Variants in KCNIP4 observed in about 807,000 individuals in gnomAD.
KCNIP4 encodes potassium voltage-gated channel interacting protein 4.
In KCNIP4, 12 loss-of-function variants were observed where a neutral mutation model predicts 34.0. The observed-to-expected ratio is 0.35, with a 90% CI of 0.23 to 0.57. The LOEUF is 0.57. Ranked by LOEUF, KCNIP4 falls within the 20% of genes least tolerant of loss-of-function variation. The probability of loss-of-function intolerance (pLI) is 0.83; values close to 1 mark genes in which losing one functional copy is unlikely to be tolerated. For synonymous variants in KCNIP4, 124 were observed against 102.2 expected (o/e 1.21, Z -1.29); for missense variants, 238 against 311.7 (o/e 0.76, Z 1.78).
At chr4:21,071,816 C>T (rs1439572406) in intron 1 of KCNIP4, among the ~76,000 whole-genome samples, 6 of 152,050 alleles carry the variant, frequency 3.9e-5, no homozygotes, top group African/African-American at 7.2e-5. Context: ...CAACAGTCCC[C>T]GGTGTGTGAT....
chr4:21,327,325 T>C (rs1350456036), intron 1 of KCNIP4, among the ~76,000 whole-genome samples: 2 of 152,164 alleles, frequency 1.3e-5, no homozygotes, highest in East Asian at 3.9e-4. Context: ...CCAGATTTGC[T>C]ATTCTAGGAT....
At chr4:21,065,583 CATGACCAT>C (rs1476913715) in intron 1 of KCNIP4, among the ~76,000 whole-genome samples, 1 of 151,616 alleles carries the variant, frequency 6.6e-6, no homozygotes, top group Non-Finnish European at 1.5e-5. Flanking sequence ...GCACAAATAA[CATGACCAT>C]ATTATCTTTC....
At chr4:20,747,728 C>G (rs1158609084) in intron 5 of KCNIP4, among the ~76,000 whole-genome samples, 1 of 152,090 alleles carries the variant, frequency 6.6e-6, no homozygotes, top group Non-Finnish European at 1.5e-5. Flanking sequence ...ATTCCTGGCC[C>G]AGAATCTTCG....
intron 1 of KCNIP4, among the ~76,000 whole-genome samples, chr4:21,099,188 A>C (rs1462000926): frequency 6.6e-6 from 1 of 152,234 alleles, no homozygotes; most frequent in African/African-American, 2.4e-5. Context: ...TTGCAGCACT[A>C]TTCACAATAG....
intron 1 of KCNIP4, among the ~76,000 whole-genome samples, chr4:21,339,943 C>A (rs1022140404): frequency 6.6e-6 from 1 of 152,128 alleles, no homozygotes; most frequent in Non-Finnish European, 1.5e-5. Flanking sequence ...GTATTCTCAT[C>A]AATCACTCAG....
At chr4:21,587,998 G>A (rs1020095268) in intron 1 of KCNIP4, among the ~76,000 whole-genome samples, 7 of 151,868 alleles carry the variant, frequency 4.6e-5, no homozygotes, top group African/African-American at 1.4e-4. Context: ...CCTTTCTTTG[G>A]TATTGTCTTA....
At chr4:20,852,473 C>T (rs149099132) in intron 2 of KCNIP4, among the ~76,000 whole-genome samples, 1 of 152,108 alleles carries the variant, frequency 6.6e-6, no homozygotes, top group Non-Finnish European at 1.5e-5. Flanking sequence ...AAGGCACATA[C>T]CTTAATGTAA....
intron 1 of KCNIP4, among the ~76,000 whole-genome samples, chr4:21,720,013 A>T (rs200778510): frequency 1.5e-5 from 2 of 131,234 alleles, no homozygotes; most frequent in Non-Finnish European, 3.1e-5. Flanking sequence ...AAAGAAGAAG[A>T]AGAAGGAGAA....
chr4:21,302,946 T>A (rs1711916163), intron 1 of KCNIP4, among the ~76,000 whole-genome samples: 1 of 152,220 alleles, frequency 6.6e-6, no homozygotes, highest in Non-Finnish European at 1.5e-5. Context: ...CATAACTACG[T>A]CAAACATCAT....
chr4:20,970,177 G>A (rs1734790665), intron 1 of KCNIP4, among the ~76,000 whole-genome samples: 2 of 151,968 alleles, frequency 1.3e-5, no homozygotes, highest in Admixed American at 6.6e-5. Flanking sequence ...TCCTGACCTC[G>A]TGATCCACCC....
intron 1 of KCNIP4, among the ~76,000 whole-genome samples, chr4:21,560,763 T>C (rs1423279051): frequency 6.6e-6 from 1 of 151,998 alleles, no homozygotes; most frequent in Non-Finnish European, 1.5e-5. Flanking sequence ...TTTGGAGAGG[T>C]TAATAAAGTT....
intron 1 of KCNIP4, among the ~76,000 whole-genome samples, chr4:21,855,273 C>G (rs1487837198): frequency 6.6e-6 from 1 of 152,168 alleles, no homozygotes; most frequent in Non-Finnish European, 1.5e-5. Context: ...GACTTTGTCT[C>G]TCTCAGTCTT....
intron 1 of KCNIP4, among the ~76,000 whole-genome samples, chr4:21,634,404 T>C (rs1745982736): frequency 6.6e-6 from 1 of 152,020 alleles, no homozygotes; most frequent in Non-Finnish European, 1.5e-5. Flanking sequence ...ACTTTATACT[T>C]TATATAATGT....
chr4:21,455,230 C>G (rs1577387067), intron 1 of KCNIP4, among the ~76,000 whole-genome samples: 1 of 152,056 alleles, frequency 6.6e-6, no homozygotes, highest in East Asian at 1.9e-4. Context: ...GTGCTGTCCT[C>G]CCTTTTCCTC....
intron 1 of KCNIP4, among the ~76,000 whole-genome samples, chr4:21,668,582 A>G (rs1424038835): frequency 6.6e-6 from 1 of 152,196 alleles, no homozygotes; most frequent in African/African-American, 2.4e-5. Context: ...TGCCCTCACT[A>G]AAATTATTAC....
rs113995606 is a variant in KCNIP4, at chr4:21,868,690, C to T, written c.61+79881G>A. On this transcript the variant is annotated intron_variant, in intron 1 of 8. Coordinates refer to ENST00000382152, the MANE Select transcript of KCNIP4 (RefSeq NM_025221.6). The stretch of plus-strand genomic sequence containing the variant: ...CACAGATGTGCTGACATCCTTAAAA[C>T]GTAGTAATTGACTGTCGATTTGGAG... 8.0e-3 allele frequency among the ~76,000 whole-genome samples: 1,220 copies of T among 152,248 alleles called. 23 individuals are homozygous for T. The highest frequency in any genetic ancestry group is 0.028 in the African/African-American group (1,171 of 41,554).
At chr4:21,558,122 T>C (rs1366491067) in intron 1 of KCNIP4, among the ~76,000 whole-genome samples, 1 of 152,190 alleles carries the variant, frequency 6.6e-6, no homozygotes, top group East Asian at 1.9e-4. Context: ...GAGAGCACAC[T>C]GCATCCAAGG....
chr4:21,736,126 C>G (rs1184200804), intron 1 of KCNIP4, among the ~76,000 whole-genome samples: 1 of 152,148 alleles, frequency 6.6e-6, no homozygotes, highest in Non-Finnish European at 1.5e-5. Context: ...CTTTAATGAG[C>G]AGTCTCTCAA....
intron 1 of KCNIP4, among the ~76,000 whole-genome samples, chr4:20,911,730 G>T (rs1728346341): frequency 6.6e-6 from 1 of 152,072 alleles, no homozygotes. Context: ...TCACTCATTG[G>T]ATTCACACTC....
Sources: gnomAD v4.1 joint callset for allele counts (sites outside exome capture counted in the v4.1 genomes callset) on GRCh38, gnomAD v4.1.1 for gene constraint, MANE v1.5 for transcripts, NCBI Gene and HGNC (gene_info 2026-07-23, HGNC 2026-07-21) for gene names.